The following OPCML variants were observed in gnomAD, a reference collection of about 807,000 sequenced individuals.
OPCML encodes the protein opioid-binding protein/cell adhesion molecule.
Under a neutral mutation model 37.8 loss-of-function variants are expected in OPCML, and 13 were observed. That is an observed-to-expected ratio of 0.34 (90% confidence interval 0.22 to 0.55). The LOEUF is 0.55. OPCML is among the 20% of genes least tolerant of loss of function. The pLI is 0.91. For missense variants in OPCML, 341 were observed against 435.6 expected (o/e 0.78, Z 1.93); for synonymous variants, 176 against 168.8 (o/e 1.04, Z -0.33).
chr11:132,429,034 G>GGGAGGGAT (rs1555119187), intron 7 of OPCML, among the ~76,000 whole-genome samples: 2 of 146,580 alleles, frequency 1.4e-5, no homozygotes, highest in South Asian at 2.3e-4. Context: ...AATGGATGGA[G>GGGAGGGAT]GGATGGATGG....
intron 2 of OPCML, among the ~76,000 whole-genome samples, chr11:132,826,841 G>A (rs1940376267): frequency 6.6e-6 from 1 of 152,182 alleles, no homozygotes; most frequent in Non-Finnish European, 1.5e-5. Context: ...ACATTTGTAT[G>A]AATACACACA....
intron 1 of OPCML, among the ~76,000 whole-genome samples, chr11:133,373,424 AATATATATATATAT>A (rs57417327): frequency 2.5e-5 from 3 of 117,756 alleles, no homozygotes; most frequent in African/African-American, 1.0e-4. Context: ...ACTTAATTAA[AATATATATATATAT>A]ATATATATAT....
intron 1 of OPCML, among the ~76,000 whole-genome samples, chr11:132,973,853 A>C (rs528292972): frequency 8.0e-5 from 12 of 149,424 alleles, no homozygotes; most frequent in African/African-American, 2.8e-4. Flanking sequence ...AGCAATAAAG[A>C]AAGCACGGAG....
At chr11:133,095,480 G>A (rs1354701039) in intron 1 of OPCML, among the ~76,000 whole-genome samples, 1 of 149,394 alleles carries the variant, frequency 6.7e-6, no homozygotes, top group Non-Finnish European at 1.5e-5. Flanking sequence ...TAGCAGGCAT[G>A]AAGGAAGTAA....
chr11:133,178,416 G>A (rs969994983), intron 1 of OPCML, among the ~76,000 whole-genome samples: 12 of 151,900 alleles, frequency 7.9e-5, no homozygotes, highest in African/African-American at 2.7e-4. Flanking sequence ...TCTGCGATCT[G>A]GAAGGTCACT....
intron 2 of OPCML, among the ~76,000 whole-genome samples, chr11:132,785,557 T>C (rs1228618937): frequency 1.3e-5 from 2 of 152,186 alleles, no homozygotes; most frequent in Admixed American, 1.3e-4. Context: ...CCAGATACAA[T>C]GCAATGCTCC....
At chr11:132,992,859 C>T (rs1946806956) in intron 1 of OPCML, among the ~76,000 whole-genome samples, 1 of 152,180 alleles carries the variant, frequency 6.6e-6, no homozygotes, top group South Asian at 2.1e-4. Flanking sequence ...TTGTTACCAG[C>T]AGAAGATTAT....
At chr11:132,523,590 T>C (rs187282091) in intron 4 of OPCML, among the ~76,000 whole-genome samples, 12 of 152,186 alleles carry the variant, frequency 7.9e-5, no homozygotes, top group Admixed American at 7.9e-4. Context: ...TCTGATTGAA[T>C]GGAAGAAAGA....
chr11:133,252,482 C>T (rs184881808), intron 1 of OPCML, among the ~76,000 whole-genome samples: 11 of 152,298 alleles, frequency 7.2e-5, no homozygotes, highest in African/African-American at 1.9e-4. Flanking sequence ...CAACCAAAGT[C>T]ACCTGATCAG....
intron 6 of OPCML, 91 bp from the exon 7 acceptor site, chr11:132,436,328 A>C: frequency 1.2e-6 from 2 of 1,604,814 alleles, no homozygotes; most frequent in East Asian, 4.5e-5. Flanking sequence ...TCGTCCTTCA[A>C]ACTCAAACCC....
intron 1 of OPCML, among the ~76,000 whole-genome samples, chr11:133,035,514 G>A (rs1947762182): frequency 6.6e-6 from 1 of 152,180 alleles, no homozygotes. Context: ...CTAGACTAAA[G>A]TATTTGGCTA....
intron 1 of OPCML, among the ~76,000 whole-genome samples, chr11:133,515,275 C>T (rs1000228925): frequency 1.3e-5 from 2 of 152,164 alleles, no homozygotes; most frequent in African/African-American, 4.8e-5. Flanking sequence ...TAGGATACTG[C>T]ACTGACCATT....
At chr11:132,874,989 CAT>C (rs957829824) in intron 2 of OPCML, among the ~76,000 whole-genome samples, 1 of 152,204 alleles carries the variant, frequency 6.6e-6, no homozygotes, top group African/African-American at 2.4e-5. Context: ...ATATTTAAAA[CAT>C]AGTCTCAGAT....
At chr11:132,971,513 T>A (rs1394106103) in intron 1 of OPCML, among the ~76,000 whole-genome samples, 1 of 152,230 alleles carries the variant, frequency 6.6e-6, no homozygotes, top group African/African-American at 2.4e-5. Flanking sequence ...TCTCCAGCAT[T>A]GATGTGCTTT....
chr11:132,787,429 C>T (rs1947252592), intron 2 of OPCML, among the ~76,000 whole-genome samples: 1 of 152,158 alleles, frequency 6.6e-6, no homozygotes, highest in Non-Finnish European at 1.5e-5. Flanking sequence ...ATATTTTCTA[C>T]AAGTGATTCA....
At chr11:132,431,780 AGG>A (rs2095997745) in intron 7 of OPCML, among the ~76,000 whole-genome samples, 1 of 152,222 alleles carries the variant, frequency 6.6e-6, no homozygotes, top group Non-Finnish European at 1.5e-5. Context: ...CACGCTGTGA[AGG>A]GATCACGGGG....
chr11:133,124,248 G>C (rs762124804), intron 1 of OPCML, among the ~76,000 whole-genome samples: 6 of 152,144 alleles, frequency 3.9e-5, no homozygotes, highest in African/African-American at 1.4e-4. Context: ...TGAAGGTGAA[G>C]GTTAAGCAGT....
At chr11:132,949,557 G>A (rs189289425) in intron 1 of OPCML, among the ~76,000 whole-genome samples, 2 of 152,278 alleles carry the variant, frequency 1.3e-5, no homozygotes, top group African/African-American at 4.8e-5. Context: ...CTTGTGGCAG[G>A]ACATTATCTG....
At chr11:133,122,224 A>G (rs11600394) in intron 1 of OPCML, among the ~76,000 whole-genome samples, 15,346 of 152,148 alleles carry the variant, frequency 0.1, 956 homozygotes, top group East Asian at 0.14. Flanking sequence ...ATAGACATGG[A>G]CGGAGCTTGG....
Sources: allele counts gnomAD v4.1 joint callset (sites outside exome capture counted in the v4.1 genomes callset), GRCh38; gene constraint gnomAD v4.1.1; transcripts MANE v1.5; gene names NCBI Gene and HGNC (gene_info 2026-07-23, HGNC 2026-07-21).